Variants in SART1 observed in about 807,000 individuals in gnomAD.
The protein encoded by SART1 is U4/U6.U5 tri-snRNP-associated protein 1.
SART1 carries 28 observed loss-of-function variants against 105.0 expected under a neutral mutation model. The observed-to-expected ratio is 0.27, with a 90% CI of 0.20 to 0.37. The LOEUF is 0.37. SART1 is among the 10% of genes least tolerant of loss of function. SART1 has a pLI of 1.00. For missense variants in SART1, 894 were observed against 1,106.5 expected (o/e 0.81, Z 2.72); for synonymous variants, 472 against 462.9 (o/e 1.02, Z -0.25).
chr11:65,972,085 A>G (rs1855390397), intron 12 of SART1, among the ~76,000 whole-genome samples: 1 of 152,110 alleles, frequency 6.6e-6, no homozygotes, highest in Non-Finnish European at 1.5e-5. Context: ...GGGTTACACA[A>G]TTCCTAGATA....
At chr11:65,967,142 A>C in intron 9 of SART1, 117 bp from the exon 10 acceptor site, 1 of 1,431,138 alleles carries the variant, frequency 7.0e-7, no homozygotes, top group Non-Finnish European at 9.4e-7. Flanking sequence ...ATGTGTGGGA[A>C]GCGCTCAGGA....
At position 65,966,098 on chromosome 11, in the gene SART1, C is replaced by G. The variant is rs373665639; in HGVS notation, c.861C>G (p.Asp287Glu). 1.2e-6 allele frequency: 2 copies of G among 1,613,800 alleles called. No homozygotes were observed. The highest frequency in any genetic ancestry group is 1.3e-5 in the African/African-American group (1 of 74,910). The change falls in exon 8 of 20, where the codon GAC (aspartate) becomes GAG (glutamate). Residue 287 changes from aspartate to glutamate, a missense_variant. By Grantham distance (45) the Asp-to-Glu change is conservative (BLOSUM62 2). This residue lies in a region of SART1 where 712 missense variants were observed against 778.2 expected (regional missense o/e 0.91). Coordinates refer to ENST00000312397, the MANE Select transcript of SART1 (RefSeq NM_005146.5). ...CAGGCGTGCTGCAGGAGGAGGAGGA[C>G]GTGCTGGTGAACGTGAACCTGGTGG... is the stretch of plus-strand genomic sequence containing the variant. ...KDKGVLQEEE[D>E]VLVNVNLVDK...
chr11:65,973,328 ACAAAT>A (rs1388385247), intron 12 of SART1, among the ~76,000 whole-genome samples: 2 of 152,180 alleles, frequency 1.3e-5, no homozygotes, highest in Non-Finnish European at 2.9e-5. Flanking sequence ...AACAGACAAA[ACAAAT>A]CAACACAACA....
At position 65,965,456 on chromosome 11, in the gene SART1, C is replaced by G; in HGVS notation, c.660+9C>G. On this transcript the variant is annotated intron_variant, in intron 5 of 19. Coordinates refer to ENST00000312397, the MANE Select transcript of SART1 (RefSeq NM_005146.5). ...ACCTGGCAGAGAAGAGGGTGAGCAC[C>G]TGGGCAGCATGGGGTGGTCGCCTAG... 1 of 1,552,594 alleles carries G rather than the reference C, an allele frequency of 6.4e-7. No individual in the cohort carries two copies. The highest frequency in any genetic ancestry group is 8.7e-7 in the Non-Finnish European group (1 of 1,148,518).
rs918944332 is a variant in SART1 at position 65,979,412 on chromosome 11, G to C, written c.*382G>C. ...AGGGCAGCCCAGGACTGCCCAGCCT[G>C]GTGGGCTGGGGATTGGGCTTTGGGT... On this transcript the variant is annotated 3_prime_UTR_variant, in exon 20 of 20. Coordinates refer to ENST00000312397, the MANE Select transcript of SART1 (RefSeq NM_005146.5). The C allele has an allele frequency of 3.5e-6, 1 of 282,468 alleles. No homozygotes were observed. Among genetic ancestry groups the C allele is most frequent in the Non-Finnish European group, 6.7e-6 (1 of 148,434 alleles). 17.5% of individuals were successfully genotyped at this position (282,468 alleles called of 1,614,324 possible).
At position 65,964,504 on chromosome 11, in the gene SART1, C is replaced by T. The variant is rs1855207960; in HGVS notation, c.372-11C>T. ...TTAATAGCCCCTAACACTTGTATCT[C>T]TTGTTGTCAGCAAACTCCGGGCAAA... On this transcript the variant is annotated splice_polypyrimidine_tract_variant and intron_variant, in intron 2 of 19. Transcript: ENST00000312397. The T allele has an allele frequency of 6.2e-7, 1 of 1,612,990 alleles. No homozygotes were observed. Among genetic ancestry groups the T allele is most frequent in the Non-Finnish European group, 8.5e-7 (1 of 1,179,706 alleles).
intron 12 of SART1, among the ~76,000 whole-genome samples, chr11:65,968,873 A>G (rs1361886336): frequency 1.3e-5 from 2 of 152,140 alleles, no homozygotes; most frequent in East Asian, 1.9e-4. Flanking sequence ...CACTGCTCAC[A>G]TGTTCTGTGT....
At chr11:65,962,594 G>C (rs1007747741) in intron 1 of SART1, among the ~76,000 whole-genome samples, 2 of 152,240 alleles carry the variant, frequency 1.3e-5, no homozygotes, top group Non-Finnish European at 2.9e-5. Context: ...CTGTACTGTA[G>C]TCTCTGTTAA....
chr11:65,966,078 G>A lies in SART1; in HGVS notation c.841G>A (p.Val281Met), dbSNP rs771352925. The change falls in exon 8 of 20, where the codon GTG becomes ATG. Residue 281 changes from valine (V) to methionine (M), a missense_variant and splice_region_variant. This residue lies in a region of SART1 where 712 missense variants were observed against 778.2 expected (regional missense o/e 0.91). Transcript: ENST00000312397. ...TMILTLKDKG[V>M]LQEEEDVLVN... Reference sequence around the variant, plus strand: ...CCACTGCTCTGTGCTGCCCCCAGGCGTGCTGCAGGAGGAGGAGGACGTGCT... The same window carrying A: ...CCACTGCTCTGTGCTGCCCCCAGGCATGCTGCAGGAGGAGGAGGACGTGCT... 6 of 1,613,920 alleles carry A rather than the reference G, an allele frequency of 3.7e-6. No homozygotes were observed. The highest frequency in any genetic ancestry group is 3.3e-5 in the Admixed American group (2 of 60,008).
chr11:65,962,052 G>A lies in SART1; in HGVS notation c.272G>A (p.Arg91Gln). 2 of 1,495,972 alleles carry A rather than the reference G, an allele frequency of 1.3e-6. No homozygotes were observed. Among genetic ancestry groups the A allele is most frequent in the South Asian group, 1.3e-5 (1 of 79,974 alleles). The allele number at this position is 1,495,972 out of a possible 1,614,324, so 92.7% of individuals were successfully genotyped here. A position where few individuals can be genotyped will look rare whatever the true frequency, so the allele number is the denominator to read the frequency against. The change falls in exon 1 of 20, where the codon CGG (arginine) becomes CAG (glutamine). Residue 91 changes from arginine to glutamine, a missense_variant. By Grantham distance (43) the Arg-to-Gln change is conservative (BLOSUM62 1). Transcript: ENST00000312397. Reference sequence around the variant, plus strand: ...CGCAGCCAGGCAGAGCCCTCCGAGCGGCGCGTGAAGCGGGAGAAGCGCGAT... The same window carrying A: ...CGCAGCCAGGCAGAGCCCTCCGAGCAGCGCGTGAAGCGGGAGAAGCGCGAT... ...RERSQAEPSE[R>Q]RVKREKRDDG... is the part of the protein sequence containing the mutation.
chr11:65,967,890 G>A (rs1855294482), intron 12 of SART1, 69 bp downstream of exon 12: 2 of 1,285,834 alleles, frequency 1.6e-6, no homozygotes, highest in African/African-American at 3.0e-5. Context: ...TGTGTCATAG[G>A]CGACAGCCAC....
Position 65,962,094 on chromosome 11 carries a change from GTGA to G in SART1, c.313+2_313+4del. On this transcript the variant is annotated splice_donor_variant and splice_donor_region_variant and intron_variant, in intron 1 of 19. Coordinates refer to ENST00000312397, the MANE Select transcript of SART1 (RefSeq NM_005146.5). LOFTEE classifies it high-confidence loss of function. Reference sequence around the variant, plus strand: ...AAGCGCGATGACGGCTACGAGGCCGGTGAGGAGGCGGGGCCTGCGCAGGGGGCG... The same window carrying G: ...AAGCGCGATGACGGCTACGAGGCCGGGGAGGCGGGGCCTGCGCAGGGGGCG... 1 of 1,441,192 alleles carries G rather than the reference GTGA, an allele frequency of 6.9e-7. No homozygotes were observed. Among genetic ancestry groups the G allele is most frequent in the Non-Finnish European group, 9.1e-7 (1 of 1,099,328 alleles). 89.3% of individuals were successfully genotyped at this position (1,441,192 alleles called of 1,614,324 possible). A position where few individuals can be genotyped will look rare whatever the true frequency, so the allele number is the denominator to read the frequency against.
chr11:65,974,371 C>CAA (rs55994535), intron 12 of SART1, among the ~76,000 whole-genome samples: 22,516 of 64,892 alleles, frequency 0.35, 4,869 homozygotes, highest in Admixed American at 0.45. Context: ...GACTCTGTCT[C>CAA]AAAAAAAAAA....
In SART1 at chr11:65,976,060, AG is replaced by A. The variant is rs1168387505; in HGVS notation, c.1573-333del. On this transcript the variant is annotated intron_variant, in intron 12 of 19. Transcript: ENST00000312397. The surrounding 1 kb of genome is among the most constrained non-coding windows in gnomAD (Gnocchi z 5.1). The stretch of plus-strand genomic sequence containing the variant: ...AACCGGAGTTTGTCGGGGGAGGGGC[AG>A]GTGGCAGGAGGGAGCCTGGAGGAAG... Among the ~76,000 whole-genome samples the A allele has an allele frequency of 6.6e-6, 1 of 152,086 alleles. No individual in the cohort carries two copies. Among genetic ancestry groups the A allele is most frequent in the African/African-American group, 2.4e-5 (1 of 41,424 alleles).
intron 9 of SART1, 80 bp from the exon 10 acceptor site, chr11:65,967,179 A>C: frequency 6.4e-7 from 1 of 1,561,398 alleles, no homozygotes; most frequent in Non-Finnish European, 8.7e-7. Flanking sequence ...GGAACACCAA[A>C]GAAGTGTTCA....
chr11:65,979,184 C>G lies in SART1; in HGVS notation c.*154C>G. On this transcript the variant is annotated 3_prime_UTR_variant, in exon 20 of 20. Transcript: ENST00000312397. ...CTCCTGCTAGGTGAGACCTGGCCAT[C>G]AAATGACACAAACAACTAAACGATG... 1 of 881,970 alleles carries G rather than the reference C, an allele frequency of 1.1e-6. No homozygotes were observed. Among genetic ancestry groups the G allele is most frequent in the South Asian group, 1.6e-5 (1 of 61,646 alleles). 54.6% of individuals were successfully genotyped at this position (881,970 alleles called of 1,614,324 possible).
In SART1 at chr11:65,977,612, C is replaced by T. The variant is rs369346839; in HGVS notation, c.1995C>T (p.Asn665=). ...VQKVARVKAP[N]KSLPSAVYCI... is the part of the protein sequence containing the mutation. ...AGGTGGCCCGGGTGAAGGCCCCCAA[C>T]AAGTCGCTGCCCTCAGCCGTGTACT... is the stretch of plus-strand genomic sequence containing the variant. The change falls in exon 16 of 20, where the codon AAC becomes AAT. Residue 665 remains asparagine (N), a synonymous_variant. Transcript: ENST00000312397. The T allele has an allele frequency of 6.2e-7, 1 of 1,613,982 alleles. No homozygotes were observed.
At chr11:65,967,862 C>G (rs1273419419) in intron 12 of SART1, 41 bp downstream of exon 12, 2 of 1,449,118 alleles carry the variant, frequency 1.4e-6, no homozygotes, top group African/African-American at 1.4e-5. Flanking sequence ...TCAGCAGTCA[C>G]CTGTCCTCAC....
chr11:65,979,085 CCTT>C lies in SART1; in HGVS notation c.*56_*58del. The C allele has an allele frequency of 6.2e-7, 1 of 1,611,422 alleles. No homozygotes were observed. The highest frequency in any genetic ancestry group is 8.5e-7 in the Non-Finnish European group (1 of 1,177,898). The stretch of plus-strand genomic sequence containing the variant: ...ACCTTCATATTAAATAAAGCTCCCT[CCTT>C]ATTTTTTCCTCCCTGGTCGTGGTAC... On this transcript the variant is annotated 3_prime_UTR_variant, in exon 20 of 20. Coordinates refer to ENST00000312397, the MANE Select transcript of SART1 (RefSeq NM_005146.5).
Sources: gnomAD v4.1 joint callset for allele counts (sites outside exome capture counted in the v4.1 genomes callset) on GRCh38, gnomAD v4.1.1 for gene constraint, gnomAD v4.1.1 regional missense constraint, Gnocchi (gnomAD v3.1) non-coding constraint, MANE v1.5 for transcripts, NCBI Gene and HGNC (gene_info 2026-07-23, HGNC 2026-07-21) for gene names.